LARGE1: variants seen among roughly 807,000 people sequenced by gnomAD.
LARGE1 encodes the protein xylosyl- and glucuronyltransferase LARGE1.
A neutral mutation model predicts 87.6 loss-of-function variants in LARGE1; 43 were observed. The observed-to-expected ratio is 0.49, with a 90% CI of 0.38 to 0.63. LARGE1 has a LOEUF of 0.63. LARGE1 is among the 30% of genes least tolerant of loss of function. The pLI, the probability that LARGE1 is intolerant of heterozygous loss-of-function variation, is 0.00. For missense variants in LARGE1, 802 were observed against 1,000.2 expected, an observed-to-expected ratio of 0.80 and a Z score of 2.67; for synonymous variants, 434 against 394.6, an observed-to-expected ratio of 1.10 and a Z score of -1.18.
intron 1 of LARGE1, among the ~76,000 whole-genome samples, chr22:33,768,440 A>T (rs1371596789): frequency 2.8e-5 from 4 of 142,762 alleles, no homozygotes; most frequent in Admixed American, 2.1e-4. Context: ...GCGCGCTCAC[A>T]CACACACACA....
chr22:33,142,742 T>G, the LARGE1 span, among the ~76,000 whole-genome samples: 1 of 152,226 alleles, frequency 6.6e-6, no homozygotes, highest in Non-Finnish European at 1.5e-5. Context: ...TATTATTGAC[T>G]TTTGAGAGGA....
chr22:33,073,264 T>C, the LARGE1 span, among the ~76,000 whole-genome samples: 1 of 152,200 alleles, frequency 6.6e-6, no homozygotes, highest in Non-Finnish European at 1.5e-5. Context: ...AACTCTTTAG[T>C]ACAATAAAGG....
chr22:33,543,423 C>T (rs187299715), intron 6 of LARGE1, among the ~76,000 whole-genome samples: 144 of 152,264 alleles, frequency 9.5e-4, no homozygotes, highest in Non-Finnish European at 1.7e-3. Context: ...TAAACGGCTA[C>T]AGAAAACTCA....
intron 2 of LARGE1, among the ~76,000 whole-genome samples, chr22:33,655,733 G>A (rs372293233): frequency 2.0e-5 from 3 of 152,072 alleles, no homozygotes; most frequent in Non-Finnish European, 4.4e-5. Context: ...CCTATACTTA[G>A]CAAGCATTTG....
intron 9 of LARGE1, among the ~76,000 whole-genome samples, chr22:33,342,809 G>A (rs1176004814): frequency 6.6e-6 from 1 of 152,084 alleles, no homozygotes; most frequent in Non-Finnish European, 1.5e-5. Flanking sequence ...TGGATGGCGA[G>A]GTCTTAGGCA....
chr22:33,821,706 T>G (rs1200768094), intron 1 of LARGE1, among the ~76,000 whole-genome samples: 1 of 150,376 alleles, frequency 6.6e-6, no homozygotes, highest in Non-Finnish European at 1.5e-5. Flanking sequence ...GAAGTCCATA[T>G]TTTTCCCAGC....
chr22:33,747,978 A>G, intron 2 of LARGE1, among the ~76,000 whole-genome samples: 1 of 134,752 alleles, frequency 7.4e-6, no homozygotes, highest in East Asian at 2.4e-4. Context: ...AGCATCCATC[A>G]CTGGCTGTGT....
chr22:33,101,105 A>T, the LARGE1 span, among the ~76,000 whole-genome samples: 1 of 152,128 alleles, frequency 6.6e-6, no homozygotes, highest in Non-Finnish European at 1.5e-5. Context: ...TCAGCCTCCC[A>T]AAGTGCTGGG....
intron 2 of LARGE1, among the ~76,000 whole-genome samples, chr22:33,716,961 G>T (rs2082928668): frequency 6.6e-6 from 1 of 152,190 alleles, no homozygotes; most frequent in Admixed American, 6.5e-5. Context: ...CATATCAAAT[G>T]AATGAGTTCT....
At chr22:33,462,675 G>A (rs2068428411) in intron 6 of LARGE1, among the ~76,000 whole-genome samples, 1 of 152,160 alleles carries the variant, frequency 6.6e-6, no homozygotes, top group Admixed American at 6.5e-5. Flanking sequence ...CAGCTACTCA[G>A]GAGGCTGAGG....
chr22:33,191,108 T>A (rs910797604), intron 11 of LARGE1, among the ~76,000 whole-genome samples: 1 of 152,256 alleles, frequency 6.6e-6, no homozygotes, highest in African/African-American at 2.4e-5. Flanking sequence ...GTTGACAGTT[T>A]ATGTATGTTT....
intron 11 of LARGE1, among the ~76,000 whole-genome samples, chr22:33,314,537 A>G (rs1372361750): frequency 6.6e-6 from 1 of 152,184 alleles, no homozygotes; most frequent in Non-Finnish European, 1.5e-5. Flanking sequence ...TTCATGACTA[A>G]TAACACCTGG....
intron 7 of LARGE1, among the ~76,000 whole-genome samples, chr22:33,421,965 G>C (rs915890551): frequency 1.3e-5 from 2 of 152,242 alleles, no homozygotes; most frequent in Non-Finnish European, 2.9e-5. Flanking sequence ...TTTGGATAAA[G>C]GTTAAGTGGA....
At chr22:33,601,491 C>T (rs572459712) in intron 5 of LARGE1, among the ~76,000 whole-genome samples, 1 of 152,234 alleles carries the variant, frequency 6.6e-6, no homozygotes, top group East Asian at 1.9e-4. Flanking sequence ...TATGTATAAA[C>T]TAAAACATAG....
At chr22:33,294,298 G>T (rs1932944261) in intron 12 of LARGE1, among the ~76,000 whole-genome samples, 1 of 152,258 alleles carries the variant, frequency 6.6e-6, no homozygotes, top group Non-Finnish European at 1.5e-5. Flanking sequence ...TGCTGGGAGA[G>T]AACCAGACTT....
chr22:33,524,383 CCTTT>C (rs1234261997), intron 6 of LARGE1, among the ~76,000 whole-genome samples: 1 of 152,062 alleles, frequency 6.6e-6, no homozygotes, highest in Non-Finnish European at 1.5e-5. Context: ...AATATTATCA[CCTTT>C]CTAATCTATT....
chr22:33,880,756 A>C (rs1401998480), intron 1 of LARGE1, among the ~76,000 whole-genome samples: 1 of 152,120 alleles, frequency 6.6e-6, no homozygotes, highest in Non-Finnish European at 1.5e-5. Flanking sequence ...ATTCATATGG[A>C]TATTTTCATT....
At chr22:33,647,556 C>G (rs561549967) in intron 3 of LARGE1, among the ~76,000 whole-genome samples, 21 of 152,240 alleles carry the variant, frequency 1.4e-4, no homozygotes, top group African/African-American at 5.1e-4. Context: ...AAAGAAATCC[C>G]AATACTGCCA....
In LARGE1 at chr22:33,650,493, G is replaced by A; in HGVS notation, c.282C>T (p.Arg94=). 5.6e-6 allele frequency: 9 copies of A among 1,613,668 alleles called. No homozygotes were observed. The highest frequency in any genetic ancestry group is 7.6e-6 in the Non-Finnish European group (9 of 1,180,038). ...SLAQGRAPSH[R]RGNHSKTYSM... The stretch of plus-strand genomic sequence containing the variant: ...AGTAGGTCTTGGAGTGGTTGCCTCG[G>A]CGATGGGATGGGGCTCGGCCCTGGG... The change falls in exon 3 of 15, where the codon CGC becomes CGT. Residue 94 remains arginine (R), a synonymous_variant. Coordinates refer to ENST00000397394, the MANE Select transcript of LARGE1 (RefSeq NM_133642.5).
Sources: gnomAD v4.1 joint callset for allele counts (sites outside exome capture counted in the v4.1 genomes callset) on GRCh38, gnomAD v4.1.1 for gene constraint, MANE v1.5 for transcripts, NCBI Gene and HGNC (gene_info 2026-07-23, HGNC 2026-07-21) for gene names.